MAST4: variants seen among roughly 807,000 people sequenced by gnomAD.
MAST4 encodes microtubule-associated serine/threonine-protein kinase 4.
MAST4 carries 89 observed loss-of-function variants against 162.7 expected under a neutral mutation model. The observed-to-expected ratio is 0.55, with a 90% CI of 0.46 to 0.65. MAST4 has a LOEUF of 0.65. MAST4 is among the 30% of genes least tolerant of loss of function. The probability of loss-of-function intolerance (pLI) is 0.00; values close to 1 mark genes in which losing one functional copy is unlikely to be tolerated. For missense variants in MAST4, 3,153 were observed against 3,374.0 expected, an observed-to-expected ratio of 0.93 and a Z score of 1.62; for synonymous variants, 1,479 against 1,361.1, an observed-to-expected ratio of 1.09 and a Z score of -1.91.
intron 4 of MAST4, among the ~76,000 whole-genome samples, chr5:66,995,996 G>A (rs1325645837): frequency 6.6e-6 from 1 of 151,984 alleles, no homozygotes; most frequent in East Asian, 1.9e-4. Flanking sequence ...ATACTTTGTT[G>A]GCCAGGCATG....
intron 3 of MAST4, chr5:66,870,896 C>A: frequency 2.1e-6 from 1 of 470,238 alleles, no homozygotes; most frequent in Non-Finnish European, 4.4e-6. Flanking sequence ...TGCATGGCGG[C>A]GTGGTCCCGC....
intron 3 of MAST4, among the ~76,000 whole-genome samples, chr5:66,851,351 G>C (rs1008302383): frequency 4.6e-5 from 7 of 152,140 alleles, no homozygotes; most frequent in Non-Finnish European, 1.0e-4. Flanking sequence ...CCTTAACCAG[G>C]GTTTAATAGG....
At position 66,740,748 on chromosome 5, in the gene MAST4, G is replaced by A. The variant is rs939477009; in HGVS notation, c.364-18961G>A. On this transcript the variant is annotated intron_variant, in intron 1 of 28. Transcript: ENST00000403625. The stretch of plus-strand genomic sequence containing the variant: ...TGTGCAACTTGGATCAGGTACAGTC[G>A]TCGCTCAAGCTGTTGGTCTGTGGCT... Among the ~76,000 whole-genome samples the A allele has an allele frequency of 1.1e-4, 16 of 152,264 alleles. No homozygotes were observed. In the South Asian group the frequency reaches 1.9e-3, roughly 18 times the overall value.
intron 4 of MAST4, among the ~76,000 whole-genome samples, chr5:66,948,943 C>A (rs1744351886): frequency 6.6e-6 from 1 of 151,990 alleles, no homozygotes; most frequent in Non-Finnish European, 1.5e-5. Flanking sequence ...TCACACCCCC[C>A]CAACAATTTT....
intron 1 of MAST4, among the ~76,000 whole-genome samples, chr5:66,622,397 T>A (rs1381078909): frequency 6.7e-6 from 1 of 148,618 alleles, no homozygotes; most frequent in African/African-American, 2.5e-5. Flanking sequence ...CCATGTCATG[T>A]GACCTTGTAT....
chr5:67,097,660 C>G (rs983677470), intron 7 of MAST4, among the ~76,000 whole-genome samples: 2 of 152,082 alleles, frequency 1.3e-5, no homozygotes, highest in Admixed American at 1.3e-4. Flanking sequence ...GTGTTTCTAA[C>G]AGCTCTTCTC....
intron 4 of MAST4, among the ~76,000 whole-genome samples, chr5:67,031,928 C>T (rs190561215): frequency 8.0e-4 from 122 of 152,256 alleles, no homozygotes; most frequent in African/African-American, 2.8e-3. Context: ...GTGTCCTTTA[C>T]TGCCTCTGAT....
intron 4 of MAST4, chr5:66,986,620 T>TATATATATATATATATATA (rs58502962): frequency 5.6e-6 from 1 of 177,032 alleles, no homozygotes; most frequent in African/African-American, 3.2e-5. Flanking sequence ...ATATATATAT[T>TATATATATATATATATATA]TATTTATTTA....
intron 4 of MAST4, among the ~76,000 whole-genome samples, chr5:67,016,292 T>C (rs1306118844): frequency 6.6e-6 from 1 of 152,204 alleles, no homozygotes; most frequent in East Asian, 1.9e-4. Context: ...TCCCTAAATC[T>C]CACCACTAGT....
At chr5:67,062,204 A>G (rs562007154) in intron 5 of MAST4, among the ~76,000 whole-genome samples, 2 of 152,162 alleles carry the variant, frequency 1.3e-5, no homozygotes, top group South Asian at 2.1e-4. Context: ...GATCCAGACC[A>G]TCCTGGCCAA....
In MAST4 at chr5:67,160,535, A is replaced by C. The variant is rs773958946; in HGVS notation, c.3728A>C (p.Tyr1243Ser). 6.2e-7 allele frequency: 1 copy of C among 1,613,866 alleles called. No individual in the cohort carries two copies. The highest frequency in any genetic ancestry group is 2.2e-5 in the East Asian group (1 of 44,896). The change falls in exon 27 of 29, where the codon TAT becomes TCT. Residue 1243 changes from tyrosine to serine, a missense_variant. Tyr to Ser is a moderately radical substitution (Grantham distance 144, BLOSUM62 -2). Transcript: ENST00000403625. ...IKTGPARRNS[Y>S]KSRMVRRSKK... ...ACTGGACCAGCCAGGAGAAACAGCT[A>C]TAAGAGCCGGATGGTGAGGCGGAGC...
intron 4 of MAST4, among the ~76,000 whole-genome samples, chr5:67,032,974 A>T (rs1431775977): frequency 2.0e-5 from 3 of 152,126 alleles, no homozygotes; most frequent in Non-Finnish European, 4.4e-5. Flanking sequence ...CAACACTAAG[A>T]TAATTACTTT....
chr5:67,155,451 A>G (rs1171270023), intron 26 of MAST4, among the ~76,000 whole-genome samples: 1 of 152,204 alleles, frequency 6.6e-6, no homozygotes, highest in Non-Finnish European at 1.5e-5. Flanking sequence ...ACCCACTAGC[A>G]TTACAGGTGG....
chr5:66,746,918 G>C (rs1219011894), intron 1 of MAST4, among the ~76,000 whole-genome samples: 1 of 152,044 alleles, frequency 6.6e-6, no homozygotes, highest in Non-Finnish European at 1.5e-5. Context: ...TGCACAAAGT[G>C]TGCCATGTTT....
chr5:67,081,056 T>A (rs7700680), intron 5 of MAST4, among the ~76,000 whole-genome samples: 8 of 118,778 alleles, frequency 6.7e-5, no homozygotes, highest in Admixed American at 1.8e-4. Flanking sequence ...TTGTATATAT[T>A]ATATAATATA....
chr5:66,960,687 G>A (rs929581016), intron 4 of MAST4, among the ~76,000 whole-genome samples: 2 of 152,158 alleles, frequency 1.3e-5, no homozygotes, highest in African/African-American at 2.4e-5. Flanking sequence ...TTTGGACTTA[G>A]TAGATATCAT....
intron 4 of MAST4, among the ~76,000 whole-genome samples, chr5:67,049,759 T>G (rs1054725454): frequency 6.6e-6 from 1 of 152,206 alleles, no homozygotes; most frequent in African/African-American, 2.4e-5. Flanking sequence ...CTGTCGGGGT[T>G]TCCTCTCTTC....
intron 3 of MAST4, among the ~76,000 whole-genome samples, chr5:66,893,953 GCACC>G: frequency 6.6e-6 from 1 of 152,270 alleles, no homozygotes; most frequent in African/African-American, 2.4e-5. Context: ...CAGAAAAATG[GCACC>G]CAAAGCGTTT....
chr5:66,986,901 C>G (rs1432068086), intron 4 of MAST4, among the ~76,000 whole-genome samples: 1 of 152,010 alleles, frequency 6.6e-6, no homozygotes, highest in Admixed American at 6.6e-5. Context: ...CATAAGCCAC[C>G]ACGTCCAGCT....
Sources: gnomAD v4.1 joint callset for allele counts (sites outside exome capture counted in the v4.1 genomes callset) on GRCh38, gnomAD v4.1.1 for gene constraint, MANE v1.5 for transcripts, NCBI Gene and HGNC (gene_info 2026-07-23, HGNC 2026-07-21) for gene names.